The following KANK1 variants were observed in gnomAD, a reference collection of about 807,000 sequenced individuals.
KANK1 encodes the protein KN motif and ankyrin repeat domain-containing protein 1.
A neutral mutation model predicts 106.2 loss-of-function variants in KANK1; 109 were observed. The ratio of observed to expected loss-of-function variants is 1.03; its 90% CI spans 0.88 to 1.20. The LOEUF (loss-of-function observed/expected upper bound fraction) is 1.20. Among genes scored for constraint, KANK1 ranks in the 50% most tolerant of loss-of-function variants. The probability of loss-of-function intolerance (pLI) is 0.00; values close to 1 mark genes in which losing one functional copy is unlikely to be tolerated. For synonymous variants in KANK1, 873 were observed against 652.2 expected (o/e 1.34, Z -5.16); for missense variants, 2,399 against 1,710.7 (o/e 1.40, Z -7.10).
chr9:588,485 G>A (rs747996443), intron 1 of KANK1, among the ~76,000 whole-genome samples: 1 of 151,904 alleles, frequency 6.6e-6, no homozygotes, highest in Admixed American at 6.6e-5. Flanking sequence ...TTGATGTACT[G>A]TTTTCTCGAA....
chr9:548,732 T>C (rs187862383), intron 1 of KANK1, among the ~76,000 whole-genome samples: 3 of 152,326 alleles, frequency 2.0e-5, no homozygotes, highest in African/African-American at 7.2e-5. Context: ...ATTAAAATTT[T>C]TTTATCAAGA....
At chr9:485,610 C>G (rs766868740) in intron 3 of KANK1, among the ~76,000 whole-genome samples, 11 of 152,126 alleles carry the variant, frequency 7.2e-5, no homozygotes, top group Non-Finnish European at 1.5e-4. Flanking sequence ...CAGTGGTTCA[C>G]GCCTGTAATC....
At chr9:599,504 C>T (rs1054866085) in intron 1 of KANK1, among the ~76,000 whole-genome samples, 1 of 151,614 alleles carries the variant, frequency 6.6e-6, no homozygotes, top group African/African-American at 2.4e-5. Context: ...AAGTCATATA[C>T]TTTGTCTAAA....
chr9:621,774 C>T (rs1028496775), intron 1 of KANK1, among the ~76,000 whole-genome samples: 1 of 152,056 alleles, frequency 6.6e-6, no homozygotes, highest in African/African-American at 2.4e-5. Context: ...CCTGCTTACT[C>T]ACTCGCTTGT....
At chr9:673,248 C>T (rs1815625441) in intron 1 of KANK1, among the ~76,000 whole-genome samples, 1 of 125,376 alleles carries the variant, frequency 8.0e-6, no homozygotes, top group Non-Finnish European at 1.6e-5. Flanking sequence ...TCTCACTCTG[C>T]TGTGCAGGCT....
In KANK1 at chr9:711,265, C is replaced by T; in HGVS notation, c.499C>T (p.Gln167Ter). ...GATGGAGACCCGGAGAAGACTGGAA[C>T]AGGAGAGAGCCACCATGCAGATGAC... ...TLMETRRRLE[Q>*]ERATMQMTPG... The change falls in exon 3 of 12, where the codon CAG (glutamine) becomes TAG (stop). Residue 167 changes from glutamine to a stop codon, truncating the protein, a stop_gained. Coordinates refer to ENST00000382297, the MANE Select transcript of KANK1 (RefSeq NM_015158.5). LOFTEE classifies it high-confidence loss of function. 1.2e-6 allele frequency: 2 copies of T among 1,614,168 alleles called. No homozygotes were observed. The highest frequency in any genetic ancestry group is 2.2e-5 in the East Asian group (1 of 44,880).
intron 2 of KANK1, among the ~76,000 whole-genome samples, chr9:706,074 A>G (rs1466722763): frequency 2.6e-5 from 4 of 152,302 alleles, no homozygotes; most frequent in East Asian, 1.9e-4. Flanking sequence ...TTAAAAAAAT[A>G]ATGACACCGG....
chr9:566,002 C>G (rs1312339458), intron 1 of KANK1, among the ~76,000 whole-genome samples: 1 of 152,162 alleles, frequency 6.6e-6, no homozygotes, highest in Non-Finnish European at 1.5e-5. Context: ...TTTCTTCACC[C>G]TCTGCTTCCT....
At chr9:735,272 CTG>C (rs1001977872) in intron 7 of KANK1, among the ~76,000 whole-genome samples, 84 of 152,172 alleles carry the variant, frequency 5.5e-4, no homozygotes, top group Admixed American at 1.6e-3. Context: ...AGTTATGAAA[CTG>C]TATGTTATGC....
chr9:734,420 CTGTGGG>C (rs986196271), intron 6 of KANK1: 5 of 241,636 alleles, frequency 2.1e-5, no homozygotes, highest in African/African-American at 1.1e-4. Context: ...AATCCCAGCA[CTGTGGG>C]AGGCCGAGGC....
At chr9:734,725 T>C in intron 6 of KANK1, 23 bp from the exon 7 acceptor site, 2 of 1,518,622 alleles carry the variant, frequency 1.3e-6, no homozygotes, top group Non-Finnish European at 1.8e-6. Flanking sequence ...TGACCAATCG[T>C]AACTTGTTTT....
At chr9:501,716 T>TA (rs2132479845), upstream of KANK1, among the ~76,000 whole-genome samples, 2 of 140,440 alleles carry the variant, frequency 1.4e-5, no homozygotes, top group South Asian at 4.2e-4. Flanking sequence ...TCTTAATTGT[T>TA]ACTTTTTAAA....
chr9:732,446 G>T lies in KANK1; in HGVS notation c.3074G>T (p.Cys1025Phe). 1 of 1,614,172 alleles carries T rather than the reference G, an allele frequency of 6.2e-7. No homozygotes were observed. Among genetic ancestry groups the T allele is most frequent in the Admixed American group, 1.7e-5 (1 of 60,022 alleles). The change falls in exon 6 of 12, where the codon TGT becomes TTT. Residue 1025 changes from cysteine (C) to phenylalanine (F), a missense_variant. By Grantham distance (205) the Cys-to-Phe change is radical. Transcript: ENST00000382297. ...ESSSSESDDE[C>F]DVIEYPLEEE... ...TCTTCTTCCGAGTCAGATGACGAGT[G>T]TGATGTCATTGAGTATCCTCTTGAA...
At chr9:730,399 G>A in intron 4 of KANK1, 151 bp downstream of exon 4, 1 of 867,078 alleles carries the variant, frequency 1.2e-6, no homozygotes, top group Non-Finnish European at 1.8e-6. Context: ...TTTAAATAAG[G>A]TTACCAAAGA....
Position 732,474 on chromosome 9 carries a change from A to AGAG in KANK1, c.3117_3119dup (p.Glu1039dup), listed in dbSNP as rs113586916. 370 of 1,612,534 alleles carry AGAG rather than the reference A, an allele frequency of 2.3e-4. No individual in the cohort carries two copies. The highest frequency in any genetic ancestry group is 2.3e-3 in the African/African-American group (169 of 74,982). On this transcript the variant is annotated inframe_insertion, in exon 6 of 12. Transcript: ENST00000382297. Reference sequence around the variant, plus strand: ...ATGTCATTGAGTATCCTCTTGAAGAAGAGGAGGAGGAGGAGGATGAAGACA... The same window carrying AGAG: ...ATGTCATTGAGTATCCTCTTGAAGAAGAGGAGGAGGAGGAGGAGGATGAAGACA...
intron 1 of KANK1, among the ~76,000 whole-genome samples, chr9:639,825 G>C (rs1436592187): frequency 1.3e-5 from 2 of 152,178 alleles, no homozygotes; most frequent in Non-Finnish European, 2.9e-5. Flanking sequence ...AGTATCTGGT[G>C]AGGGCCTGTT....
At chr9:623,373 T>A (rs1333563838) in intron 1 of KANK1, among the ~76,000 whole-genome samples, 1 of 152,030 alleles carries the variant, frequency 6.6e-6, no homozygotes, top group Non-Finnish European at 1.5e-5. Flanking sequence ...GTGGATTGCT[T>A]GAGTCCAGGA....
At chr9:569,362 C>G (rs764399745) in intron 1 of KANK1, among the ~76,000 whole-genome samples, 2 of 152,178 alleles carry the variant, frequency 1.3e-5, no homozygotes, top group Admixed American at 6.5e-5. Flanking sequence ...TGGCTCTGCC[C>G]TCATGAATGG....
chr9:679,649 A>G (rs1024622154), intron 2 of KANK1, among the ~76,000 whole-genome samples: 9 of 152,188 alleles, frequency 5.9e-5, no homozygotes, highest in Non-Finnish European at 2.9e-5. Context: ...TCATGACTTC[A>G]GGTGATCTGC....
Sources: gnomAD v4.1 joint callset for allele counts (sites outside exome capture counted in the v4.1 genomes callset) on GRCh38, gnomAD v4.1.1 for gene constraint, MANE v1.5 for transcripts, NCBI Gene and HGNC (gene_info 2026-07-23, HGNC 2026-07-21) for gene names.